MTMR14: variants seen among roughly 807,000 people sequenced by gnomAD.
MTMR14 encodes the protein myotubularin related protein 14.
Under a neutral mutation model 86.3 loss-of-function variants are expected in MTMR14, and 48 were observed. That is an observed-to-expected ratio of 0.56 (90% CI 0.44 to 0.71). MTMR14 has a LOEUF of 0.71. MTMR14 is among the 30% of genes least tolerant of loss of function. The pLI is 0.00. For missense variants in MTMR14, 780 were observed against 834.6 expected, an observed-to-expected ratio of 0.93 and a Z score of 0.81; for synonymous variants, 366 against 326.1, an observed-to-expected ratio of 1.12 and a Z score of -1.32.
chr3:9,689,681 T>G lies in MTMR14; in HGVS notation c.1434-283T>G, dbSNP rs778343251. On this transcript the variant is annotated intron_variant, in intron 16 of 18. Transcript: ENST00000296003. ...CCGTCTTTTAGAGGGGGAAAAAAGA[T>G]TTTGCATAACATATGGAGGTGGGCA... Among the ~76,000 whole-genome samples the G allele has an allele frequency of 9.2e-5, 14 of 152,130 alleles. 1 individual carries two copies. Among genetic ancestry groups the G allele is most frequent in the Non-Finnish European group, 1.6e-4 (11 of 68,010 alleles).
rs1285436210 is a variant in MTMR14, at chr3:9,684,670, TGTGA to T, written c.1050+3_1050+6del. ...CCCTCCTGCGCCTTTCCTTGTGGGC[TGTGA>T]GTATGAATCGGCCCCTACCAAGCTC... On this transcript the variant is annotated splice_donor_variant and splice_donor_region_variant and intron_variant, in intron 11 of 18. Coordinates refer to ENST00000296003, the MANE Select transcript of MTMR14 (RefSeq NM_001077525.3). LOFTEE classifies it high-confidence loss of function. The T allele has an allele frequency of 1.9e-6, 3 of 1,613,932 alleles. No individual in the cohort carries two copies. The highest frequency in any genetic ancestry group is 1.3e-5 in the African/African-American group (1 of 74,910).
intron 9 of MTMR14, among the ~76,000 whole-genome samples, chr3:9,678,387 A>G: frequency 6.6e-6 from 1 of 152,154 alleles, no homozygotes; most frequent in South Asian, 2.1e-4. Context: ...TTCCTTTTAA[A>G]TGTGTGTTCA....
intron 2 of MTMR14, among the ~76,000 whole-genome samples, chr3:9,656,801 CTT>C (rs1035201189): frequency 1.1e-4 from 16 of 152,232 alleles, no homozygotes; most frequent in Middle Eastern, 3.4e-3. Flanking sequence ...TTGTTTTTGC[CTT>C]GCCATTCTCT....
At chr3:9,685,717 T>G (rs896052437) in intron 13 of MTMR14, among the ~76,000 whole-genome samples, 2 of 152,120 alleles carry the variant, frequency 1.3e-5, no homozygotes, top group African/African-American at 4.8e-5. Flanking sequence ...CCAGGTCCCC[T>G]TTCCTCTGGA....
chr3:9,650,450 G>A, intron 1 of MTMR14: 1 of 450,562 alleles, frequency 2.2e-6, no homozygotes. Context: ...CGTGGTTTTG[G>A]CAGCTTTAGC....
chr3:9,650,094 AAAG>A (rs2047191534), intron 1 of MTMR14, among the ~76,000 whole-genome samples: 1 of 152,090 alleles, frequency 6.6e-6, no homozygotes, highest in Admixed American at 6.6e-5. Context: ...TGTCAGGGAA[AAAG>A]CCCCAAGAAA....
Position 9,687,873 on chromosome 3 carries a change from C to T in MTMR14, c.1217C>T (p.Ser406Phe). ...AAGCATATTACCTCCGAGGAGTTCT[C>T]TGCTCTGAAGACCCAGAGGTAAGTG... is the stretch of plus-strand genomic sequence containing the variant. ...FLKHITSEEF[S>F]ALKTQRRKSL... Residue 406 changes from serine to phenylalanine, a missense_variant, in exon 14 of 19, where the codon TCT (serine) becomes TTT (phenylalanine). Physicochemically the swap from Ser to Phe is radical, Grantham distance 155. Coordinates refer to ENST00000296003, the MANE Select transcript of MTMR14 (RefSeq NM_001077525.3). 6.3e-7 allele frequency: 1 copy of T among 1,589,032 alleles called. No individual in the cohort carries two copies.
At chr3:9,672,425 G>A (rs555013187) in intron 6 of MTMR14, among the ~76,000 whole-genome samples, 2 of 152,226 alleles carry the variant, frequency 1.3e-5, no homozygotes, top group South Asian at 4.1e-4. Context: ...ATTTTTGATA[G>A]AGACAATGTT....
intron 17 of MTMR14, 35 bp from the exon 18 acceptor site, chr3:9,697,662 GGCATATGACTGACT>G (rs2076322532): frequency 6.3e-7 from 1 of 1,599,022 alleles, no homozygotes; most frequent in African/African-American, 1.3e-5. Flanking sequence ...GCCTGTGTCA[GGCATATGACTGACT>G]GCATCCTCTC....
At chr3:9,687,717 C>A in intron 13 of MTMR14, 104 bp from the exon 14 acceptor site, 2 of 891,560 alleles carry the variant, frequency 2.2e-6, no homozygotes, top group South Asian at 1.4e-5. Flanking sequence ...CACAGCAGGG[C>A]CGCTCTCCAG....
rs1446458044 is a variant in MTMR14 at position 9,683,256 on chromosome 3, T to G, written c.964+12T>G. 6.2e-7 allele frequency: 1 copy of G among 1,613,852 alleles called. No individual in the cohort carries two copies. Among genetic ancestry groups the G allele is most frequent in the Non-Finnish European group, 8.5e-7 (1 of 1,179,724 alleles). Reference sequence around the variant, plus strand: ...AGTTAACAGTGATGGTGAGTCTGTCTCCTCCAGAGCCCTCGAGCCACTGCA... The same window carrying G: ...AGTTAACAGTGATGGTGAGTCTGTCGCCTCCAGAGCCCTCGAGCCACTGCA... On this transcript the variant is annotated intron_variant, in intron 10 of 18. Transcript: ENST00000296003.
intron 7 of MTMR14, among the ~76,000 whole-genome samples, chr3:9,676,904 T>C (rs1171035901): frequency 2.6e-5 from 4 of 152,226 alleles, no homozygotes; most frequent in Non-Finnish European, 5.9e-5. Flanking sequence ...GCCCCCATTT[T>C]AGAGAAGAGG....
At chr3:9,690,240 G>T in intron 17 of MTMR14, 97 bp downstream of exon 17, 1 of 1,364,140 alleles carries the variant, frequency 7.3e-7, no homozygotes, top group Admixed American at 1.9e-5. Context: ...AGGGTCTCAA[G>T]ATGGGGTTCC....
chr3:9,701,642 C>G lies in MTMR14; in HGVS notation c.1770-148C>G. ...CAGGGCCAGATATTTGGGGCCTGAA[C>G]CACAAGGATAGCATGGCCGTAGGAC... On this transcript the variant is annotated intron_variant, in intron 18 of 18. Transcript: ENST00000296003. This position sits in a 1 kb window ranked among gnomAD's most constrained non-coding sequence, Gnocchi z 4.2. The G allele has an allele frequency of 2.1e-6, 2 of 949,410 alleles. No individual in the cohort carries two copies. The highest frequency in any genetic ancestry group is 1.6e-6 in the Non-Finnish European group (1 of 610,314). 58.8% of individuals were successfully genotyped at this position (949,410 alleles called of 1,614,324 possible).
In MTMR14 at chr3:9,678,089, G is replaced by C. The variant is rs2075642040; in HGVS notation, c.897+31G>C. The stretch of plus-strand genomic sequence containing the variant: ...GGGCCTGACTCAAGCATTGAGGGCA[G>C]GATAAGGGAGTGGTGACCAAGGAGA... On this transcript the variant is annotated intron_variant, in intron 9 of 18. Coordinates refer to ENST00000296003, the MANE Select transcript of MTMR14 (RefSeq NM_001077525.3). 3 of 1,610,098 alleles carry C rather than the reference G, an allele frequency of 1.9e-6. No homozygotes were observed. The Admixed American group carries it at 5.0e-5, about 27-fold the overall frequency.
Position 9,649,579 on chromosome 3 carries a change from G to A in MTMR14, c.-5G>A. The A allele has an allele frequency of 6.5e-7, 1 of 1,543,062 alleles. No individual in the cohort carries two copies. ...AGGCACACTGAGGGGACGCGGGGCT[G>A]GGCCATGGCCGGCGCTCGGGCCGCC... On this transcript the variant is annotated 5_prime_UTR_variant, in exon 1 of 19. Coordinates refer to ENST00000296003, the MANE Select transcript of MTMR14 (RefSeq NM_001077525.3).
intron 9 of MTMR14, among the ~76,000 whole-genome samples, chr3:9,678,337 T>C (rs1441453102): frequency 6.6e-6 from 1 of 152,170 alleles, no homozygotes; most frequent in Non-Finnish European, 1.5e-5. Context: ...CCTCATAGAG[T>C]CTGCTATTCC....
At chr3:9,684,484 G>A (rs2075869381) in intron 10 of MTMR14, 101 bp from the exon 11 acceptor site, 1 of 1,078,464 alleles carries the variant, frequency 9.3e-7, no homozygotes, top group Non-Finnish European at 1.4e-6. Context: ...AGAAGCTGGT[G>A]GGGCCTGGCT....
At chr3:9,690,206 G>A in intron 17 of MTMR14, 63 bp downstream of exon 17, 1 of 1,577,112 alleles carries the variant, frequency 6.3e-7, no homozygotes, top group South Asian at 1.1e-5. Flanking sequence ...TAAGACTGGA[G>A]GGTCGGGGGC....
Sources: allele counts gnomAD v4.1 joint callset (sites outside exome capture counted in the v4.1 genomes callset), GRCh38; gene constraint gnomAD v4.1.1; non-coding constraint Gnocchi (gnomAD v3.1); transcripts MANE v1.5; gene names NCBI Gene and HGNC (gene_info 2026-07-23, HGNC 2026-07-21).